Variants in FRMPD4 observed in about 807,000 individuals in gnomAD.
The protein encoded by FRMPD4 is FERM and PDZ domain-containing protein 4.
A neutral mutation model predicts 94.1 loss-of-function variants in FRMPD4; 22 were observed. The ratio of observed to expected loss-of-function variants is 0.23; its 90% CI spans 0.17 to 0.33. FRMPD4 has a LOEUF of 0.33. Ranked by LOEUF, FRMPD4 falls within the 10% of genes least tolerant of loss-of-function variation. FRMPD4 has a pLI of 1.00. For synonymous variants in FRMPD4, 631 were observed against 548.6 expected (o/e 1.15, Z -2.10); for missense variants, 1,111 against 1,339.9 (o/e 0.83, Z 2.67).
At chrX:12,261,404 A>G (rs1344573317) in intron 1 of FRMPD4, among the ~76,000 whole-genome samples, 1 of 112,090 alleles carries the variant, frequency 8.9e-6, no homozygotes, top group African/African-American at 3.2e-5. Context: ...TGGAACCTCT[A>G]ACTTCAAAAG....
intron 1 of FRMPD4, among the ~76,000 whole-genome samples, chrX:11,853,538 A>G (rs919663775): frequency 2.7e-5 from 3 of 111,489 alleles, no homozygotes; most frequent in African/African-American, 9.8e-5. Flanking sequence ...AGAAATGACA[A>G]GGGGGATATT....
chrX:12,556,672 T>C (rs1056164985), intron 2 of FRMPD4, among the ~76,000 whole-genome samples: 1 of 111,932 alleles, frequency 8.9e-6, no homozygotes, highest in Non-Finnish European at 1.9e-5. Context: ...GGTCATTTGT[T>C]ACAGCAGCAA....
At chrX:12,163,584 G>A (rs1402504308) in intron 1 of FRMPD4, among the ~76,000 whole-genome samples, 1 of 110,929 alleles carries the variant, frequency 9.0e-6, no homozygotes, top group Non-Finnish European at 1.9e-5. Flanking sequence ...AGCCATTAGG[G>A]TTTTCATTCA....
chrX:12,713,779 A>G (rs2042031974), intron 14 of FRMPD4, among the ~76,000 whole-genome samples: 1 of 111,942 alleles, frequency 8.9e-6, no homozygotes, highest in Non-Finnish European at 1.9e-5. Context: ...CTTGTCTCCA[A>G]AATTATTCCA....
intron 3 of FRMPD4, among the ~76,000 whole-genome samples, chrX:12,054,095 T>C (rs2054840270): frequency 1.8e-5 from 2 of 111,946 alleles, no homozygotes; most frequent in African/African-American, 6.5e-5. Flanking sequence ...TACAGTCTGC[T>C]TTAGGGAAAA....
chrX:12,369,237 C>G (rs954089176), intron 1 of FRMPD4, among the ~76,000 whole-genome samples: 1 of 108,019 alleles, frequency 9.3e-6, no homozygotes, highest in African/African-American at 3.5e-5. Flanking sequence ...AAAATAAACT[C>G]AGTTTTTTTT....
chrX:12,469,257 T>C (rs111855982), intron 1 of FRMPD4, among the ~76,000 whole-genome samples: 406 of 111,204 alleles, frequency 3.7e-3, no homozygotes, highest in African/African-American at 0.013. Context: ...TTTTTGTTTG[T>C]TTGTTTGTTT....
chrX:12,160,340 G>C (rs181482529), intron 1 of FRMPD4, among the ~76,000 whole-genome samples: 25 of 111,632 alleles, frequency 2.2e-4, no homozygotes, highest in African/African-American at 8.1e-4. Flanking sequence ...GACACACTGT[G>C]GCATCTCTTT....
At chrX:11,950,059 C>T (rs1248180511) in intron 3 of FRMPD4, among the ~76,000 whole-genome samples, 1 of 111,566 alleles carries the variant, frequency 9.0e-6, no homozygotes, top group Non-Finnish European at 1.9e-5. Flanking sequence ...CCCCACGTGT[C>T]AAGGGTAAGA....
intron 3 of FRMPD4, among the ~76,000 whole-genome samples, chrX:12,106,617 G>A (rs2141054): frequency 0.021 from 2,310 of 111,572 alleles, 57 homozygotes; most frequent in African/African-American, 0.071. Flanking sequence ...CGCCTCACCC[G>A]GGAAGCACAA....
At chrX:12,662,059 ACGC>A (rs903408334) in intron 4 of FRMPD4, among the ~76,000 whole-genome samples, 1 of 112,008 alleles carries the variant, frequency 8.9e-6, no homozygotes, top group African/African-American at 3.2e-5. Context: ...GATTGGGGAA[ACGC>A]CCTTCTGAGC....
At chrX:12,358,937 C>T (rs778495563) in intron 1 of FRMPD4, among the ~76,000 whole-genome samples, 6 of 112,169 alleles carry the variant, frequency 5.3e-5, no homozygotes, top group Non-Finnish European at 9.4e-5. Context: ...GACATTACTT[C>T]TATAACCGCA....
rs2054479602 is a variant in FRMPD4 at position 11,993,774 on chromosome X, G to A, written c.95+115756G>A. Among the ~76,000 whole-genome samples, 3 of 111,896 alleles carry A rather than the reference G, an allele frequency of 2.7e-5. No individual in the cohort carries two copies. In the South Asian group the frequency reaches 1.1e-3, roughly 42 times the overall value. ...GCATTAATTTCAAGAGCTACAATGAGTTTAAAGGAATACAGTCAGTTTTTT... is the reference window on the plus strand; with the variant it reads ...GCATTAATTTCAAGAGCTACAATGAATTTAAAGGAATACAGTCAGTTTTTT... On this transcript the variant is annotated intron_variant, in intron 3 of 18. Transcript: ENST00000640291.
rs769298244 is a variant in FRMPD4 at position 11,899,131 on chromosome X, A to G, written c.95+21113A>G. ...ATAAATTTGTAGGGCATTTTGTATG[A>G]TGATAGTAGCTAATGGCAATATGCT... On this transcript the variant is annotated intron_variant, in intron 3 of 18. Transcript: ENST00000640291. Among the ~76,000 whole-genome samples the G allele has an allele frequency of 2.7e-5, 3 of 112,502 alleles. No homozygotes were observed. In the East Asian group the frequency reaches 8.3e-4, roughly 31 times the overall value.
At chrX:12,665,290 A>C (rs768470536) in intron 4 of FRMPD4, among the ~76,000 whole-genome samples, 67 of 111,460 alleles carry the variant, frequency 6.0e-4, no homozygotes, top group Middle Eastern at 9.2e-3. Context: ...AAAATACAAA[A>C]AAAATTAGCC....
intron 1 of FRMPD4, among the ~76,000 whole-genome samples, chrX:12,352,533 C>A (rs2055830113): frequency 8.9e-6 from 1 of 112,355 alleles, no homozygotes; most frequent in Admixed American, 9.4e-5. Flanking sequence ...AAATCTATTT[C>A]ATCAGAAACT....
In FRMPD4 at chrX:12,717,765, C is replaced by T. The variant is rs767817054; in HGVS notation, c.2939C>T (p.Pro980Leu). Residue 980 changes from proline (P) to leucine (L), a missense_variant, in exon 16 of 17, where the codon CCG (proline) becomes CTG (leucine). Physicochemically the swap from Pro to Leu is moderately conservative, Grantham distance 98. Around this residue, in one of 8 missense-constraint regions of FRMPD4, gnomAD observed 551 missense variants for 591.6 expected, o/e 0.93. Transcript: ENST00000675598. Reference protein sequence around the residue: ...ALAARPATDLPPKVVPSKQLL... With the variant: ...ALAARPATDLLPKVVPSKQLL... ...GCTGCTAGGCCAGCAACCGACCTCC[C>T]GCCCAAAGTTGTGCCTTCCAAGCAG... is the stretch of plus-strand genomic sequence containing the variant. 4.1e-6 allele frequency: 5 copies of T among 1,210,570 alleles called. No homozygotes were observed. In the African/African-American group the frequency reaches 5.2e-5, roughly 13 times the overall value.
At chrX:12,345,306 G>A (rs769359016) in intron 1 of FRMPD4, among the ~76,000 whole-genome samples, 150 of 111,558 alleles carry the variant, frequency 1.3e-3, no homozygotes, top group Non-Finnish European at 2.4e-3. Context: ...AATGTGTGAT[G>A]GTGAGAGAGA....
At chrX:11,917,863 C>A (rs1256704747) in intron 3 of FRMPD4, among the ~76,000 whole-genome samples, 1 of 106,730 alleles carries the variant, frequency 9.4e-6, no homozygotes, top group African/African-American at 3.4e-5. Flanking sequence ...ATGTAACAAA[C>A]CTGCACATGT....
Sources: allele counts gnomAD v4.1 joint callset (sites outside exome capture counted in the v4.1 genomes callset), GRCh38; gene constraint gnomAD v4.1.1; regional missense constraint gnomAD v4.1.1; transcripts MANE v1.5; gene names NCBI Gene and HGNC (gene_info 2026-07-23, HGNC 2026-07-21).